ESYT2: variants seen among roughly 807,000 people sequenced by gnomAD.
The protein encoded by ESYT2 is extended synaptotagmin 2.
In ESYT2, 54 loss-of-function variants were observed where a neutral mutation model predicts 107.2. The observed-to-expected ratio is 0.50, with a 90% CI of 0.40 to 0.63. ESYT2 has a LOEUF of 0.63. Among genes scored for constraint, ESYT2 ranks in the 30% least tolerant of loss-of-function variants. ESYT2 has a pLI of 0.00. For missense variants in ESYT2, 1,020 were observed against 1,094.5 expected (o/e 0.93, Z 0.96); for synonymous variants, 491 against 434.1 (o/e 1.13, Z -1.63).
At chr7:158,792,852 T>C (rs1478493021) in intron 4 of ESYT2, among the ~76,000 whole-genome samples, 2 of 141,116 alleles carry the variant, frequency 1.4e-5, no homozygotes, top group Non-Finnish European at 1.5e-5. Context: ...CACTGCAAGC[T>C]CCGCCTCCCA....
intron 17 of ESYT2, 119 bp from the exon 18 acceptor site, chr7:158,742,015 A>AT: frequency 6.2e-5 from 75 of 1,218,812 alleles, no homozygotes; most frequent in Non-Finnish European, 7.4e-5. Flanking sequence ...TCAAAAAAAA[A>AT]TTTTTTTTTA....
intron 7 of ESYT2, 82 bp from the exon 8 acceptor site, chr7:158,767,856 G>A (rs1587413432): frequency 6.8e-7 from 1 of 1,473,910 alleles, no homozygotes; most frequent in South Asian, 1.3e-5. Context: ...GACTTACCAC[G>A]AATATGATGT....
At chr7:158,813,011 T>C (rs1233202161) in intron 1 of ESYT2, among the ~76,000 whole-genome samples, 1 of 152,214 alleles carries the variant, frequency 6.6e-6, no homozygotes, top group African/African-American at 2.4e-5. Flanking sequence ...AGAGAGGTGA[T>C]GATTACACTA....
chr7:158,736,257 G>A (rs1487530493), intron 20 of ESYT2, among the ~76,000 whole-genome samples: 1 of 152,232 alleles, frequency 6.6e-6, no homozygotes, highest in Non-Finnish European at 1.5e-5. Flanking sequence ...GCCAGTTTCT[G>A]ATGGGTGTTT....
chr7:158,821,648 A>C (rs555613355), intron 1 of ESYT2, among the ~76,000 whole-genome samples: 1 of 152,266 alleles, frequency 6.6e-6, no homozygotes, highest in South Asian at 2.1e-4. Flanking sequence ...CTCCCAGGTC[A>C]TGGGGACCTG....
intron 3 of ESYT2, among the ~76,000 whole-genome samples, chr7:158,795,329 T>C (rs1839425460): frequency 6.6e-6 from 1 of 152,270 alleles, no homozygotes; most frequent in African/African-American, 2.4e-5. Flanking sequence ...TCTCCAAGGA[T>C]TTCCTTATTC....
At chr7:158,758,467 C>T (rs1012498794) in intron 13 of ESYT2, among the ~76,000 whole-genome samples, 12 of 152,264 alleles carry the variant, frequency 7.9e-5, no homozygotes, top group South Asian at 4.2e-4. Context: ...GTGAGTTAAA[C>T]GCTTCTTTGC....
intron 1 of ESYT2, 101 bp downstream of exon 1, chr7:158,828,988 C>G (rs1161048872): frequency 1.3e-6 from 2 of 1,492,492 alleles, no homozygotes; most frequent in African/African-American, 1.4e-5. Context: ...GGGGTCTGCA[C>G]TCACCCAGGC....
At chr7:158,817,358 C>G (rs984664708) in intron 1 of ESYT2, among the ~76,000 whole-genome samples, 2 of 152,248 alleles carry the variant, frequency 1.3e-5, no homozygotes, top group African/African-American at 4.8e-5. Context: ...CAAGGTAATC[C>G]AGACATTCCT....
intron 14 of ESYT2, among the ~76,000 whole-genome samples, chr7:158,751,215 T>A (rs1406590416): frequency 1.3e-5 from 2 of 152,218 alleles, no homozygotes; most frequent in Non-Finnish European, 2.9e-5. Flanking sequence ...ATTTTCTGTT[T>A]AGGTATACCT....
In ESYT2 at chr7:158,737,085, C is replaced by G; in HGVS notation, c.2362G>C (p.Val788Leu). 1 of 1,613,896 alleles carries G rather than the reference C, an allele frequency of 6.2e-7. No individual in the cohort carries two copies. The highest frequency in any genetic ancestry group is 1.1e-5 in the South Asian group (1 of 91,086). Residue 788 changes from valine to leucine, a missense_variant, in exon 20 of 23, where the codon GTG becomes CTG. Physicochemically the swap from Val to Leu is conservative, Grantham distance 32. Coordinates refer to ENST00000275418, the MANE Select transcript of ESYT2 (RefSeq NM_001367773.1). ...ACTGGATTTAATGTTTTCTTTGACA[C>G]GTGTGTTTTCCTCCTTCCTGACCGC... ...KRRSGRRKTH[V>L]SKKTLNPVFD...
chr7:158,782,537 A>AAAGGAG (rs1554586999), intron 6 of ESYT2, among the ~76,000 whole-genome samples: 1 of 143,172 alleles, frequency 7.0e-6, no homozygotes, highest in East Asian at 2.2e-4. Flanking sequence ...GAGTGTAAGA[A>AAAGGAG]AATGAGTGTG....
At chr7:158,757,446 G>T (rs913757074) in intron 13 of ESYT2, among the ~76,000 whole-genome samples, 1 of 152,222 alleles carries the variant, frequency 6.6e-6, no homozygotes, top group African/African-American at 2.4e-5. Flanking sequence ...TAGGGCAGTG[G>T]AGCCAGGGGA....
intron 5 of ESYT2, 81 bp from the exon 6 acceptor site, chr7:158,788,174 C>G (rs1298449580): frequency 7.0e-6 from 9 of 1,289,990 alleles, no homozygotes; most frequent in Non-Finnish European, 1.0e-5. Flanking sequence ...GCATGCGAAT[C>G]TTAGTAACTT....
At chr7:158,778,958 T>C (rs1198915872) in intron 6 of ESYT2, among the ~76,000 whole-genome samples, 1 of 152,030 alleles carries the variant, frequency 6.6e-6, no homozygotes, top group Admixed American at 6.6e-5. Flanking sequence ...ACAAAACCCC[T>C]AGCCTGCTGT....
intron 1 of ESYT2, among the ~76,000 whole-genome samples, chr7:158,813,832 T>C (rs907175614): frequency 1.3e-5 from 2 of 152,080 alleles, no homozygotes; most frequent in African/African-American, 2.4e-5. Flanking sequence ...TTTAAAAATA[T>C]ACGTTCCTCG....
chr7:158,776,710 G>T (rs915017423), intron 6 of ESYT2, among the ~76,000 whole-genome samples: 1 of 152,220 alleles, frequency 6.6e-6, no homozygotes, highest in Admixed American at 6.5e-5. Context: ...TATCACTGGT[G>T]TGTTCACTGG....
Position 158,760,205 on chromosome 7 carries a change from T to A in ESYT2, c.1234-58A>T, listed in dbSNP as rs547706607. The stretch of plus-strand genomic sequence containing the variant: ...GTTCTTCTGAATCAAAAATCCAAAT[T>A]AAACCCAGTCTCTACAAATGTTCCA... On this transcript the variant is annotated intron_variant, in intron 11 of 22. Transcript: ENST00000275418. 2.1e-5 allele frequency: 31 copies of A among 1,495,152 alleles called. No homozygotes were observed. In the African/African-American group the frequency reaches 3.9e-4, roughly 19 times the overall value. 92.6% of individuals were successfully genotyped at this position (1,495,152 alleles called of 1,614,324 possible).
In ESYT2 at chr7:158,751,559, A is replaced by G. The variant is rs1413375244; in HGVS notation, c.1482+1222T>C. 2.0e-5 allele frequency among the ~76,000 whole-genome samples: 3 copies of G among 152,226 alleles called. No homozygotes were observed. In the East Asian group the frequency reaches 5.8e-4, roughly 29 times the overall value. ...TATCTGAACCTCAGTTTGCATGTTTACAAAATGGGCATTTTTGGAAACTAG... is the reference window on the plus strand; with the variant it reads ...TATCTGAACCTCAGTTTGCATGTTTGCAAAATGGGCATTTTTGGAAACTAG... On this transcript the variant is annotated intron_variant, in intron 14 of 22. Coordinates refer to ENST00000275418, the MANE Select transcript of ESYT2 (RefSeq NM_001367773.1).
Sources: allele counts gnomAD v4.1 joint callset (sites outside exome capture counted in the v4.1 genomes callset), GRCh38; gene constraint gnomAD v4.1.1; transcripts MANE v1.5; gene names NCBI Gene and HGNC (gene_info 2026-07-23, HGNC 2026-07-21).